Variants in EPB41L5 observed in about 807,000 individuals in gnomAD.
The protein encoded by EPB41L5 is band 4.1-like protein 5.
EPB41L5 carries 55 observed loss-of-function variants against 106.6 expected under a neutral mutation model. The ratio of observed to expected loss-of-function variants is 0.52; its 90% CI spans 0.42 to 0.65. The LOEUF (loss-of-function observed/expected upper bound fraction) is 0.65, where lower values mean the gene tolerates loss of function less well. EPB41L5 is among the 30% of genes least tolerant of loss of function. The pLI is 0.00. For synonymous variants in EPB41L5, 297 were observed against 306.7 expected, an observed-to-expected ratio of 0.97 and a Z score of 0.33; for missense variants, 871 against 882.1, an observed-to-expected ratio of 0.99 and a Z score of 0.16.
chr2:120,035,982 T>A (rs1233025414), intron 2 of EPB41L5, among the ~76,000 whole-genome samples: 1 of 152,174 alleles, frequency 6.6e-6, no homozygotes, highest in Non-Finnish European at 1.5e-5. Context: ...CTCCTGTGGC[T>A]GTGGAAGGAT....
At chr2:120,037,128 A>G (rs565538248) in intron 2 of EPB41L5, among the ~76,000 whole-genome samples, 6 of 152,156 alleles carry the variant, frequency 3.9e-5, no homozygotes, top group Non-Finnish European at 7.3e-5. Context: ...TAAGTTAGCA[A>G]TGATCTGAAA....
In EPB41L5 at chr2:120,077,012, C is replaced by G. The variant is rs774463706; in HGVS notation, c.547C>G (p.Leu183Val). ...TGATCTTGCTGAGCATAGTCCTGAA[C>G]TTGTCTCAGAGTTCAGATTCGTGCC... is the stretch of plus-strand genomic sequence containing the variant. ...DYDLAEHSPE[L>V]VSEFRFVPIQ... is the part of the protein sequence containing the mutation. The change falls in exon 8 of 25, where the codon CTT becomes GTT. Residue 183 changes from leucine to valine, a missense_variant. Coordinates refer to ENST00000263713, the MANE Select transcript of EPB41L5 (RefSeq NM_020909.4). 6.2e-7 allele frequency: 1 copy of G among 1,612,638 alleles called. No individual in the cohort carries two copies. Among genetic ancestry groups the G allele is most frequent in the East Asian group, 2.2e-5 (1 of 44,796 alleles).
At chr2:120,105,460 A>T (rs1286024002) in intron 16 of EPB41L5, 1 of 985,276 alleles carries the variant, frequency 1.0e-6, no homozygotes, top group African/African-American at 1.7e-5. Context: ...TGCCAGACAA[A>T]GATTAAGGTT....
At chr2:120,161,990 A>C (rs1383197048) in intron 21 of EPB41L5, among the ~76,000 whole-genome samples, 1 of 152,130 alleles carries the variant, frequency 6.6e-6, no homozygotes, top group East Asian at 1.9e-4. Context: ...TGCTCTAGGG[A>C]ATGTAAGCTG....
chr2:120,025,836 A>T (rs1393422762), intron 2 of EPB41L5, among the ~76,000 whole-genome samples: 1 of 152,184 alleles, frequency 6.6e-6, no homozygotes, highest in African/African-American at 2.4e-5. Flanking sequence ...AGCTAGAACA[A>T]TATTGAAAAA....
chr2:120,068,678 G>C (rs942068930), intron 3 of EPB41L5, among the ~76,000 whole-genome samples: 1 of 152,150 alleles, frequency 6.6e-6, no homozygotes, highest in Non-Finnish European at 1.5e-5. Flanking sequence ...CGGGCTAAAT[G>C]TCCCAATTAA....
At chr2:120,165,733 C>T (rs1188663303) in intron 22 of EPB41L5, among the ~76,000 whole-genome samples, 1 of 151,872 alleles carries the variant, frequency 6.6e-6, no homozygotes, top group East Asian at 1.9e-4. Flanking sequence ...TTTGGGAGGC[C>T]GAGGTGGGCA....
chr2:120,039,047 T>C (rs1301303499), intron 2 of EPB41L5, among the ~76,000 whole-genome samples: 1 of 152,120 alleles, frequency 6.6e-6, no homozygotes, highest in Non-Finnish European at 1.5e-5. Context: ...AAAAATACTG[T>C]GAGTGAAATA....
intron 14 of EPB41L5, among the ~76,000 whole-genome samples, chr2:120,093,621 C>T (rs1244202688): frequency 6.6e-6 from 1 of 152,180 alleles, no homozygotes; most frequent in Non-Finnish European, 1.5e-5. Flanking sequence ...CAATTTTCTT[C>T]CTGGGATAAA....
At chr2:120,095,038 T>C (rs1382561395) in intron 14 of EPB41L5, among the ~76,000 whole-genome samples, 1 of 152,194 alleles carries the variant, frequency 6.6e-6, no homozygotes, top group Non-Finnish European at 1.5e-5. Context: ...GTGGAGTGTT[T>C]CATAGATGTC....
At position 120,019,336 on chromosome 2, in the gene EPB41L5, T is replaced by C. The variant is rs892131296; in HGVS notation, c.180+72T>C. 3.6e-6 allele frequency: 5 copies of C among 1,394,524 alleles called. No homozygotes were observed. In the South Asian group the frequency reaches 5.1e-5, roughly 14 times the overall value. 86.4% of individuals were successfully genotyped at this position (1,394,524 alleles called of 1,614,324 possible). ...TTTGTTTGTTTGTTTAAAAGCTTTGTATTGGTAACTTCTGGATGGAAATAA... is the reference window on the plus strand; with the variant it reads ...TTTGTTTGTTTGTTTAAAAGCTTTGCATTGGTAACTTCTGGATGGAAATAA... On this transcript the variant is annotated intron_variant, in intron 2 of 24. Coordinates refer to ENST00000263713, the MANE Select transcript of EPB41L5 (RefSeq NM_020909.4).
At chr2:120,032,203 A>G (rs1678758474) in intron 2 of EPB41L5, among the ~76,000 whole-genome samples, 1 of 152,104 alleles carries the variant, frequency 6.6e-6, no homozygotes, top group African/African-American at 2.4e-5. Context: ...CAACAAGGCG[A>G]AACTCCGTCT....
chr2:120,075,627 T>G, intron 6 of EPB41L5, 74 bp from the exon 7 acceptor site: 1 of 1,430,854 alleles, frequency 7.0e-7, no homozygotes, highest in Non-Finnish European at 9.8e-7. Context: ...ACATAAAACA[T>G]GTATTATTTT....
rs1687871244 is a variant in EPB41L5, at chr2:120,174,964, C to CT, written c.*58dup. The CT allele has an allele frequency of 1.3e-6, 2 of 1,516,844 alleles. No homozygotes were observed. Among genetic ancestry groups the CT allele is most frequent in the Non-Finnish European group, 1.8e-6 (2 of 1,091,320 alleles). 94.0% of individuals were successfully genotyped at this position (1,516,844 alleles called of 1,614,324 possible). ...CATTCCGTCCTGGGATCCGTTTCAG[C>CT]TAGAATATGTTGGATTCAGGAGCTT... On this transcript the variant is annotated 3_prime_UTR_variant, in exon 25 of 25. Coordinates refer to ENST00000263713, the MANE Select transcript of EPB41L5 (RefSeq NM_020909.4).
intron 18 of EPB41L5, among the ~76,000 whole-genome samples, chr2:120,138,836 A>G (rs1355682283): frequency 1.3e-5 from 2 of 152,054 alleles, no homozygotes; most frequent in African/African-American, 4.8e-5. Context: ...AAAATAATCT[A>G]AAATTTATAT....
chr2:120,023,645 G>C (rs1558801549), intron 2 of EPB41L5, among the ~76,000 whole-genome samples: 1 of 152,124 alleles, frequency 6.6e-6, no homozygotes, highest in East Asian at 1.9e-4. Flanking sequence ...CTTTTGCTTA[G>C]GATTGTCTTG....
At chr2:120,047,113 C>A (rs1040237862) in intron 3 of EPB41L5, among the ~76,000 whole-genome samples, 2 of 152,130 alleles carry the variant, frequency 1.3e-5, no homozygotes, top group African/African-American at 2.4e-5. Flanking sequence ...CAGCTTTGTT[C>A]TTTTTGCTTA....
At chr2:120,120,347 G>A (rs956921200) in intron 16 of EPB41L5, among the ~76,000 whole-genome samples, 1 of 148,580 alleles carries the variant, frequency 6.7e-6, no homozygotes, top group African/African-American at 2.5e-5. Context: ...CAGGAGAATC[G>A]CTTGAACTCA....
At chr2:120,069,460 A>G (rs991038563) in intron 3 of EPB41L5, among the ~76,000 whole-genome samples, 1 of 152,154 alleles carries the variant, frequency 6.6e-6, no homozygotes, top group African/African-American at 2.4e-5. Context: ...TCAGCTCTGG[A>G]CCAAGCAGAC....
Sources: gnomAD v4.1 joint callset for allele counts (sites outside exome capture counted in the v4.1 genomes callset) on GRCh38, gnomAD v4.1.1 for gene constraint, MANE v1.5 for transcripts, NCBI Gene and HGNC (gene_info 2026-07-23, HGNC 2026-07-21) for gene names.